The following SDE2 variants were observed in gnomAD, a reference collection of about 807,000 sequenced individuals.
The protein encoded by SDE2 is splicing regulator SDE2.
A neutral mutation model predicts 46.9 loss-of-function variants in SDE2; 31 were observed. That is an observed-to-expected ratio of 0.66 (90% CI 0.50 to 0.89). The LOEUF (loss-of-function observed/expected upper bound fraction) is 0.89. Ranked by LOEUF, SDE2 falls within the 40% of genes least tolerant of loss-of-function variation. SDE2 has a pLI of 0.00. For missense variants in SDE2, 542 were observed against 564.4 expected, an observed-to-expected ratio of 0.96 and a Z score of 0.40; for synonymous variants, 205 against 204.3, an observed-to-expected ratio of 1.00 and a Z score of -0.03.
chr1:225,993,915 G>T (rs1391292542), intron 2 of SDE2, among the ~76,000 whole-genome samples: 1 of 145,842 alleles, frequency 6.9e-6, no homozygotes, highest in Non-Finnish European at 1.5e-5. Flanking sequence ...GATTACAGGC[G>T]TGTACCGATG....
intron 4 of SDE2, among the ~76,000 whole-genome samples, chr1:225,991,962 C>T (rs1371634399): frequency 6.6e-6 from 1 of 152,122 alleles, no homozygotes; most frequent in Non-Finnish European, 1.5e-5. Flanking sequence ...ATCCCAAGCA[C>T]GAGGTTAGGA....
chr1:225,991,441 A>G, intron 4 of SDE2, 78 bp from the exon 5 acceptor site: 1 of 1,130,596 alleles, frequency 8.8e-7, no homozygotes, highest in Admixed American at 2.1e-5. Context: ...TGGATTGCAA[A>G]AAGAGCTGCA....
chr1:225,985,400 G>A lies in SDE2; in HGVS notation c.1258C>T (p.Gln420Ter). 2 of 1,614,140 alleles carry A rather than the reference G, an allele frequency of 1.2e-6. No individual in the cohort carries two copies. The highest frequency in any genetic ancestry group is 1.7e-6 in the Non-Finnish European group (2 of 1,180,010). The change falls in exon 7 of 7, where the codon CAG (glutamine) becomes TAG (stop). Residue 420 changes from glutamine (Q) to a stop codon, truncating the protein, a stop_gained. Transcript: ENST00000272091. LOFTEE classifies it high-confidence loss of function. ...GAGAAGAGTCTTGCTGCCCGCTCCT[G>A]CAGAGTGCCCCCACATTTCAGTCCA... ...ALGLKCGGTL[Q>*]ERAARLFSVR... is the part of the protein sequence containing the mutation.
chr1:225,995,456 C>A, intron 1 of SDE2, 73 bp from the exon 2 acceptor site: 1 of 784,448 alleles, frequency 1.3e-6, no homozygotes, highest in Non-Finnish European at 2.2e-6. Context: ...AGGGACCTAG[C>A]TGTCTTTTTA....
Position 225,987,934 on chromosome 1 carries a change from C to T in SDE2, c.1096G>A (p.Ala366Thr). ...TGGCTTTCCTGCAGTTTGGCAACGGCAACGTTTTCCCTTTCTTCAGGTGCT... is the reference window on the plus strand; with the variant it reads ...TGGCTTTCCTGCAGTTTGGCAACGGTAACGTTTTCCCTTTCTTCAGGTGCT... ...EVAPEERENVAVAKLQESQPG... is the reference protein window; with the variant it reads ...EVAPEERENVTVAKLQESQPG... The change falls in exon 6 of 7, where the codon GCC becomes ACC. Residue 366 changes from alanine (A) to threonine (T), a missense_variant. Around this residue, in one of 3 missense-constraint regions of SDE2, gnomAD observed 401 missense variants for 437.8 expected, o/e 0.92. Transcript: ENST00000272091. 1.2e-6 allele frequency: 2 copies of T among 1,612,836 alleles called. No homozygotes were observed. Among genetic ancestry groups the T allele is most frequent in the Non-Finnish European group, 1.7e-6 (2 of 1,179,680 alleles).
At chr1:225,993,505 A>T (rs942965913) in intron 2 of SDE2, among the ~76,000 whole-genome samples, 4 of 151,932 alleles carry the variant, frequency 2.6e-5, no homozygotes, top group Non-Finnish European at 5.9e-5. Flanking sequence ...CCAGCTACTC[A>T]GGAGGCTGAG....
chr1:225,987,008 A>G (rs1275821389), intron 6 of SDE2, among the ~76,000 whole-genome samples: 1 of 152,168 alleles, frequency 6.6e-6, no homozygotes, highest in Non-Finnish European at 1.5e-5. Context: ...ATAGTGAAAA[A>G]CCAACTTTTT....
intron 6 of SDE2, among the ~76,000 whole-genome samples, chr1:225,986,296 C>T (rs2102700999): frequency 6.6e-6 from 1 of 150,504 alleles, no homozygotes; most frequent in Non-Finnish European, 1.5e-5. Context: ...AATCACACCA[C>T]TGCACTCCAG....
At chr1:225,994,969 A>G (rs1656489375) in intron 2 of SDE2, among the ~76,000 whole-genome samples, 1 of 152,192 alleles carries the variant, frequency 6.6e-6, no homozygotes, top group Non-Finnish European at 1.5e-5. Flanking sequence ...GCTTGAGTTC[A>G]GGAGGTCAAA....
chr1:225,992,536 G>A lies in SDE2; in HGVS notation c.382C>T (p.Arg128Ter), dbSNP rs761734292. 9 of 1,610,210 alleles carry A rather than the reference G, an allele frequency of 5.6e-6. No individual in the cohort carries two copies. Among genetic ancestry groups the A allele is most frequent in the Non-Finnish European group, 5.9e-6 (7 of 1,179,558 alleles). ...CGCTTCTGCTCCTTTTCAGCCTCTC[G>A]CTCGGCTTGTTGTTTTACCCATTCA... ...MAEWVKQQAE[R>*]EAEKEQKRLE... is the part of the protein sequence containing the mutation. The change falls in exon 4 of 7, where the codon CGA (arginine) becomes TGA (stop). Residue 128 changes from arginine (R) to a stop codon, truncating the protein, a stop_gained. Coordinates refer to ENST00000272091, the MANE Select transcript of SDE2 (RefSeq NM_152608.4). LOFTEE classifies it high-confidence loss of function.
chr1:225,987,154 G>A (rs940534527), intron 6 of SDE2, among the ~76,000 whole-genome samples: 11 of 152,144 alleles, frequency 7.2e-5, no homozygotes, highest in Non-Finnish European at 1.3e-4. Flanking sequence ...AGCCATTCTC[G>A]TGGCTCAACC....
Position 225,995,365 on chromosome 1 carries a change from A to T in SDE2, c.139T>A (p.Phe47Ile). The T allele has an allele frequency of 1.2e-6, 2 of 1,601,396 alleles. No homozygotes were observed. Among genetic ancestry groups the T allele is most frequent in the East Asian group, 2.2e-5 (1 of 44,804 alleles). ...CQDQNVPVEN[F>I]FVKCNGALIN... is the part of the protein sequence containing the mutation. ...AGTGCTCCATTGCATTTCACAAAGA[A>T]GTTTTCCACTGGAACATTCTAGAGA... is the stretch of plus-strand genomic sequence containing the variant. The change falls in exon 2 of 7, where the codon TTC (phenylalanine) becomes ATC (isoleucine). Residue 47 changes from phenylalanine to isoleucine, a missense_variant. This residue lies in a region of SDE2 where 135 missense variants were observed against 106.5 expected (regional missense o/e 1.27). Transcript: ENST00000272091.
chr1:225,989,611 A>C (rs935218227), intron 5 of SDE2, among the ~76,000 whole-genome samples: 1 of 151,508 alleles, frequency 6.6e-6, no homozygotes, highest in Non-Finnish European at 1.5e-5. Context: ...CTTGGGCGAC[A>C]GAGCAAGATT....
intron 3 of SDE2, 43 bp downstream of exon 3, chr1:225,992,846 GTA>G (rs1656433581): frequency 9.1e-7 from 1 of 1,096,486 alleles, no homozygotes; most frequent in African/African-American, 1.5e-5. Flanking sequence ...TAATAGGAAA[GTA>G]TATGTCTCTC....
chr1:225,989,813 C>A (rs966354756), intron 5 of SDE2, among the ~76,000 whole-genome samples: 2 of 151,950 alleles, frequency 1.3e-5, no homozygotes, highest in East Asian at 3.9e-4. Flanking sequence ...CGGTGGCTCA[C>A]GCCTATAATC....
At chr1:225,996,952 A>C (rs1656540242) in intron 1 of SDE2, among the ~76,000 whole-genome samples, 1 of 152,236 alleles carries the variant, frequency 6.6e-6, no homozygotes, top group African/African-American at 2.4e-5. Context: ...GAAATCAAGA[A>C]TGCTTCTCTA....
rs998278065 is a variant in SDE2, at chr1:225,985,238, T to A, written c.*64A>T. 43 of 1,263,764 alleles carry A rather than the reference T, an allele frequency of 3.4e-5. No homozygotes were observed. The highest frequency in any genetic ancestry group is 4.9e-5 in the Non-Finnish European group (42 of 863,442). 78.3% of individuals were successfully genotyped at this position (1,263,764 alleles called of 1,614,324 possible). ...TATCAACAGGAATACTGGTCAAGAG[T>A]CCACATTATGCAGGTTGTAAATGGT... On this transcript the variant is annotated 3_prime_UTR_variant, in exon 7 of 7. Coordinates refer to ENST00000272091, the MANE Select transcript of SDE2 (RefSeq NM_152608.4).
Position 225,988,054 on chromosome 1 carries a change from T to C in SDE2, c.976A>G (p.Ser326Gly), listed in dbSNP as rs773310192. 6.2e-7 allele frequency: 1 copy of C among 1,614,194 alleles called. No homozygotes were observed. The highest frequency in any genetic ancestry group is 8.5e-7 in the Non-Finnish European group (1 of 1,180,002). The change falls in exon 6 of 7, where the codon AGT (serine) becomes GGT (glycine). Residue 326 changes from serine (S) to glycine (G), a missense_variant. This residue lies in a region of SDE2 where 401 missense variants were observed against 437.8 expected (regional missense o/e 0.92). Coordinates refer to ENST00000272091, the MANE Select transcript of SDE2 (RefSeq NM_152608.4). ...GGCTCCTCTTCTATGGGTTCTTTAC[T>C]CTCTGCCTTCTTCTCCTGGGTCTCT... ...TEETQEKKAESKEPIEEEPTG... is the reference protein window; with the variant it reads ...TEETQEKKAEGKEPIEEEPTG...
chr1:225,990,676 A>T (rs1055948726), intron 5 of SDE2, among the ~76,000 whole-genome samples: 68 of 152,208 alleles, frequency 4.5e-4, no homozygotes, highest in African/African-American at 1.6e-3. Flanking sequence ...ATAGTGTTAT[A>T]TGATCTTTGA....
Sources: gnomAD v4.1 joint callset for allele counts (sites outside exome capture counted in the v4.1 genomes callset) on GRCh38, gnomAD v4.1.1 for gene constraint, gnomAD v4.1.1 regional missense constraint, MANE v1.5 for transcripts, NCBI Gene and HGNC (gene_info 2026-07-23, HGNC 2026-07-21) for gene names.